KDM7A: variants seen among roughly 807,000 people sequenced by gnomAD.
The protein encoded by KDM7A is lysine demethylase 7A.
KDM7A carries 28 observed loss-of-function variants against 114.8 expected under a neutral mutation model. The ratio of observed to expected loss-of-function variants is 0.24; its 90% confidence interval spans 0.18 to 0.33. The LOEUF (loss-of-function observed/expected upper bound fraction) is 0.33. Among genes scored for constraint, KDM7A ranks in the 10% least tolerant of loss-of-function variants. The pLI, the probability that KDM7A is intolerant of heterozygous loss-of-function variation, is 1.00. For missense variants in KDM7A, 942 were observed against 1,142.5 expected, an observed-to-expected ratio of 0.82 and a Z score of 2.53; for synonymous variants, 423 against 397.8, an observed-to-expected ratio of 1.06 and a Z score of -0.75.
chr7:140,141,619 TG>T (rs1794278735), intron 1 of KDM7A, among the ~76,000 whole-genome samples: 1 of 152,030 alleles, frequency 6.6e-6, no homozygotes, highest in East Asian at 1.9e-4. Flanking sequence ...ATTGGCCTAG[TG>T]GGGTGGCTTA....
rs564048366 is a variant in KDM7A at position 140,143,521 on chromosome 7, C to T, written c.195-4331G>A. ...CACAACACAATACACAATTAAAATA[C>T]TAAATTTCACAATTAAAATTCTACC... On this transcript the variant is annotated intron_variant, in intron 1 of 19. Transcript: ENST00000397560. 2.0e-5 allele frequency among the ~76,000 whole-genome samples: 3 copies of T among 152,188 alleles called. No individual in the cohort carries two copies. In the East Asian group the frequency reaches 5.8e-4, roughly 29 times the overall value.
Position 140,161,130 on chromosome 7 carries a change from C to CAT in KDM7A, c.194+15612_194+15613dup, listed in dbSNP as rs983750496. ...AAGACTATAAAATTCCTATAATCTG[C>CAT]ATATAGTTTACAACCCATGATTCCT... On this transcript the variant is annotated intron_variant, in intron 1 of 19. Coordinates refer to ENST00000397560, the MANE Select transcript of KDM7A (RefSeq NM_030647.2). Among the ~76,000 whole-genome samples the CAT allele has an allele frequency of 2.6e-5, 4 of 152,320 alleles. No homozygotes were observed. In the South Asian group the frequency reaches 6.2e-4, roughly 24 times the overall value.
At position 140,091,004 on chromosome 7, in the gene KDM7A, C is replaced by T. The variant is rs1818008621; in HGVS notation, c.*90G>A. 2 of 887,476 alleles carry T rather than the reference C, an allele frequency of 2.3e-6. No individual in the cohort carries two copies. Among genetic ancestry groups the T allele is most frequent in the Admixed American group, 3.7e-5 (2 of 53,706 alleles). The allele number at this position is 887,476 out of a possible 1,614,324, so 55.0% of individuals were successfully genotyped here. On this transcript the variant is annotated 3_prime_UTR_variant, in exon 20 of 20. Coordinates refer to ENST00000397560, the MANE Select transcript of KDM7A (RefSeq NM_030647.2). ...GCAGTGTTCTTACTATACACACAAACTGCTCCAGGCAGGGGGACAGCGGAA... is the reference window on the plus strand; with the variant it reads ...GCAGTGTTCTTACTATACACACAAATTGCTCCAGGCAGGGGGACAGCGGAA...
In KDM7A at chr7:140,086,275, C is replaced by T. The variant is rs1038629330; in HGVS notation, c.*4819G>A. Reference sequence around the variant, plus strand: ...ATACAGTTTCGAAAGGTTTTAACAACAAAATGTAATGTTATACTTGTTAAG... The same window carrying T: ...ATACAGTTTCGAAAGGTTTTAACAATAAAATGTAATGTTATACTTGTTAAG... On this transcript the variant is annotated 3_prime_UTR_variant, in exon 20 of 20. Coordinates refer to ENST00000397560, the MANE Select transcript of KDM7A (RefSeq NM_030647.2). 1 of 152,024 alleles carries T rather than the reference C, an allele frequency of 6.6e-6. No homozygotes were observed. The highest frequency in any genetic ancestry group is 2.4e-5 in the African/African-American group (1 of 41,376). 9.4% of individuals were successfully genotyped at this position (152,024 alleles called of 1,614,324 possible).
chr7:140,169,445 G>C (rs1794614157), intron 1 of KDM7A, among the ~76,000 whole-genome samples: 1 of 152,150 alleles, frequency 6.6e-6, no homozygotes, highest in African/African-American at 2.4e-5. Context: ...CCCCTTGGAT[G>C]ATCAGAAAAC....
At chr7:140,170,693 AAACATTCGAT>A (rs1794629033) in intron 1 of KDM7A, among the ~76,000 whole-genome samples, 1 of 152,246 alleles carries the variant, frequency 6.6e-6, no homozygotes, top group South Asian at 2.1e-4. Context: ...GCACTTTGTA[AAACATTCGAT>A]AAGTGAGATT....
chr7:140,164,421 A>G lies in KDM7A; in HGVS notation c.194+12323T>C, dbSNP rs143370236. On this transcript the variant is annotated intron_variant, in intron 1 of 19. Transcript: ENST00000397560. ...CCCTGCCCTCTACCTACTAGCTGCT[A>G]GTAGCAACCACTCTGCCACTCCCAA... 7.2e-4 allele frequency among the ~76,000 whole-genome samples: 110 copies of G among 152,324 alleles called. 1 individual carries two copies. The highest frequency in any genetic ancestry group is 9.8e-4 in the Admixed American group (15 of 15,302).
At chr7:140,123,877 C>T (rs995507756) in intron 7 of KDM7A, among the ~76,000 whole-genome samples, 4 of 151,970 alleles carry the variant, frequency 2.6e-5, no homozygotes, top group African/African-American at 9.7e-5. Flanking sequence ...TGAGACCATC[C>T]TGGCTAACAC....
intron 1 of KDM7A, among the ~76,000 whole-genome samples, chr7:140,160,468 A>C (rs1201315455): frequency 6.6e-6 from 1 of 152,234 alleles, no homozygotes; most frequent in Non-Finnish European, 1.5e-5. Flanking sequence ...CTGCAAAACA[A>C]AACACTCTGC....
At chr7:140,128,174 G>A (rs57705514) in intron 4 of KDM7A, among the ~76,000 whole-genome samples, 401 of 152,246 alleles carry the variant, frequency 2.6e-3, no homozygotes, top group African/African-American at 7.8e-3. Flanking sequence ...ACCAGTGTCC[G>A]AAGGCCTGAG....
chr7:140,087,912 A>C lies in KDM7A; in HGVS notation c.*3182T>G, dbSNP rs1323622735. 6.6e-6 allele frequency: 1 copy of C among 152,182 alleles called. No individual in the cohort carries two copies. Among genetic ancestry groups the C allele is most frequent in the Non-Finnish European group, 1.5e-5 (1 of 68,042 alleles). The allele number at this position is 152,182 out of a possible 1,614,324, so 9.4% of individuals were successfully genotyped here. A position where few individuals can be genotyped will look rare whatever the true frequency, so the allele number is the denominator to read the frequency against. ...GCTTAGAAGTGAAAATAATACTGCT[A>C]ATTTCCTGGAGAAGATACCTTCAAG... On this transcript the variant is annotated 3_prime_UTR_variant, in exon 20 of 20. Transcript: ENST00000397560.
At chr7:140,173,177 T>C (rs1471212569) in intron 1 of KDM7A, among the ~76,000 whole-genome samples, 1 of 152,096 alleles carries the variant, frequency 6.6e-6, no homozygotes, top group Non-Finnish European at 1.5e-5. Context: ...CACCAAGAAC[T>C]CAGGGAGAAA....
Position 140,176,662 on chromosome 7 carries a change from G to A in KDM7A, c.194+82C>T, listed in dbSNP as rs901173350. 8.1e-6 allele frequency: 8 copies of A among 984,154 alleles called. No individual in the cohort carries two copies. In the Admixed American group the frequency reaches 3.0e-4, roughly 37 times the overall value. The allele number at this position is 984,154 out of a possible 1,614,324, so 61.0% of individuals were successfully genotyped here. A position where few individuals can be genotyped will look rare whatever the true frequency, so the allele number is the denominator to read the frequency against. On this transcript the variant is annotated intron_variant, in intron 1 of 19. Transcript: ENST00000397560. The surrounding 1 kb of genome is among the most constrained non-coding windows in gnomAD (Gnocchi z 4.4). ...GGCGCGGCGCGGCGGCCCGGCCCGA[G>A]GGAGGCGCGGGCGGCCGGCGGCGGC...
intron 1 of KDM7A, among the ~76,000 whole-genome samples, chr7:140,156,507 T>A (rs1333393299): frequency 1.3e-5 from 2 of 152,076 alleles, no homozygotes; most frequent in Non-Finnish European, 1.5e-5. Context: ...AGATGGGAAG[T>A]GATCCATGGA....
chr7:140,145,236 A>T (rs1794327969), intron 1 of KDM7A, among the ~76,000 whole-genome samples: 11 of 152,216 alleles, frequency 7.2e-5, no homozygotes, highest in Admixed American at 7.2e-4. Context: ...TTTTGTAGGT[A>T]AAGACCAGAA....
At chr7:140,097,388 C>T (rs1485469060) in intron 15 of KDM7A, among the ~76,000 whole-genome samples, 157 bp downstream of exon 15, 1 of 151,900 alleles carries the variant, frequency 6.6e-6, no homozygotes, top group East Asian at 1.9e-4. Context: ...CACATGATGG[C>T]ATGTGTGTAC....
At chr7:140,108,993 G>A (rs564025234) in intron 11 of KDM7A, among the ~76,000 whole-genome samples, 14 of 152,200 alleles carry the variant, frequency 9.2e-5, no homozygotes, top group Admixed American at 2.6e-4. Flanking sequence ...CCCTAACCTC[G>A]CTGCCACCTT....
chr7:140,118,217 A>G (rs1818562457), intron 9 of KDM7A, among the ~76,000 whole-genome samples: 2 of 152,248 alleles, frequency 1.3e-5, no homozygotes. Flanking sequence ...CAGACAAACT[A>G]TTCTCACTAG....
chr7:140,126,555 T>C (rs1054201526), intron 6 of KDM7A, 82 bp downstream of exon 6: 1 of 749,610 alleles, frequency 1.3e-6, no homozygotes, highest in Non-Finnish European at 2.0e-6. Flanking sequence ...ACAAGTAACA[T>C]TTACAAGAAA....
Sources: gnomAD v4.1 joint callset for allele counts (sites outside exome capture counted in the v4.1 genomes callset) on GRCh38, gnomAD v4.1.1 for gene constraint, Gnocchi (gnomAD v3.1) non-coding constraint, MANE v1.5 for transcripts, NCBI Gene and HGNC (gene_info 2026-07-23, HGNC 2026-07-21) for gene names.